GALNT2: variants seen among roughly 807,000 people sequenced by gnomAD.
GALNT2 encodes UDP-GalNAc:polypeptide N-acetylgalactosaminyltransferase 2.
GALNT2 carries 31 observed loss-of-function variants against 81.4 expected under a neutral mutation model. The observed-to-expected ratio is 0.38, with a 90% CI of 0.29 to 0.51. The LOEUF is 0.51. GALNT2 is among the 20% of genes least tolerant of loss of function. The probability of loss-of-function intolerance (pLI) is 0.87; values close to 1 mark genes in which losing one functional copy is unlikely to be tolerated. For missense variants in GALNT2, 629 were observed against 765.7 expected (o/e 0.82, Z 2.11); for synonymous variants, 303 against 287.4 (o/e 1.05, Z -0.55).
chr1:230,067,664 C>T (rs993184947), intron 1 of GALNT2, among the ~76,000 whole-genome samples: 2 of 152,056 alleles, frequency 1.3e-5, no homozygotes, highest in African/African-American at 2.4e-5. Context: ...TCTCTCTGCT[C>T]GTCGTAATTC....
chr1:230,097,981 TA>T (rs1190939044), intron 1 of GALNT2, among the ~76,000 whole-genome samples: 1 of 152,242 alleles, frequency 6.6e-6, no homozygotes, highest in Admixed American at 6.5e-5. Context: ...AGAGAGAATG[TA>T]AATGTTTGTC....
intron 11 of GALNT2, chr1:230,262,033 A>G (rs950694338): frequency 2.0e-5 from 3 of 152,122 alleles, no homozygotes; most frequent in African/African-American, 7.2e-5. Context: ...TAGTGCAAAC[A>G]TGGCAGTCTT....
upstream of GALNT2, chr1:230,057,978 G>A (rs908437070): frequency 6.6e-6 from 3 of 455,250 alleles, no homozygotes; most frequent in Non-Finnish European, 8.8e-6. Flanking sequence ...GGAGGAAAGG[G>A]CTCTGATACA....
chr1:230,214,314 G>A (rs1013565917), intron 3 of GALNT2, among the ~76,000 whole-genome samples: 3 of 152,090 alleles, frequency 2.0e-5, no homozygotes, highest in Non-Finnish European at 4.4e-5. Flanking sequence ...GCTTCACCAT[G>A]TTGGCCAGGC....
At chr1:230,133,578 AGATTAGCTGG>A in intron 1 of GALNT2, among the ~76,000 whole-genome samples, 1 of 151,278 alleles carries the variant, frequency 6.6e-6, no homozygotes, top group South Asian at 2.1e-4. Flanking sequence ...CTCAGCCTCC[AGATTAGCTGG>A]GATTATAGGC....
chr1:230,147,903 G>T (rs1375102155), intron 1 of GALNT2, among the ~76,000 whole-genome samples: 1 of 152,220 alleles, frequency 6.6e-6, no homozygotes, highest in African/African-American at 2.4e-5. Flanking sequence ...CTTGTTGGAG[G>T]TTGGCAGTGG....
intron 2 of GALNT2, among the ~76,000 whole-genome samples, chr1:230,195,097 T>A (rs185396706): frequency 6.6e-6 from 1 of 152,366 alleles, no homozygotes; most frequent in East Asian, 1.9e-4. Flanking sequence ...GAGACAGGAC[T>A]CATTTTAAAC....
At chr1:230,241,443 C>CGTTT (rs372451739) in intron 6 of GALNT2, among the ~76,000 whole-genome samples, 84 of 144,150 alleles carry the variant, frequency 5.8e-4, no homozygotes, top group African/African-American at 1.2e-3. Context: ...TTTTTTTTTT[C>CGTTT]GTTTGTTTGT....
chr1:230,230,518 C>T (rs1043351170), intron 3 of GALNT2, among the ~76,000 whole-genome samples: 1 of 152,152 alleles, frequency 6.6e-6, no homozygotes, highest in Non-Finnish European at 1.5e-5. Context: ...AGCAGATTTG[C>T]TCCTACACAG....
rs936846163 is a variant in GALNT2 at position 230,279,055 on chromosome 1, T to C, written c.1561-248T>C. ...AGAGGAGGGGACACCCACAGAAAGT[T>C]TGGGGCAGGAGACGTTCTGAGTTTT... On this transcript the variant is annotated intron_variant, in intron 15 of 15. Transcript: ENST00000366672. The surrounding 1 kb of genome is among the most constrained non-coding windows in gnomAD (Gnocchi z 4.6). Among the ~76,000 whole-genome samples, 3 of 152,112 alleles carry C rather than the reference T, an allele frequency of 2.0e-5. No homozygotes were observed. The highest frequency in any genetic ancestry group is 6.5e-5 in the Admixed American group (1 of 15,268).
chr1:230,268,860 G>A (rs1393957724), intron 14 of GALNT2, among the ~76,000 whole-genome samples: 1 of 152,230 alleles, frequency 6.6e-6, no homozygotes, highest in Non-Finnish European at 1.5e-5. Flanking sequence ...TCTGCACAGT[G>A]CTGAGGGCAG....
At chr1:230,269,358 G>GT (rs1666114108) in intron 14 of GALNT2, among the ~76,000 whole-genome samples, 1 of 151,890 alleles carries the variant, frequency 6.6e-6, no homozygotes, top group African/African-American at 2.4e-5. Context: ...GCTAATTTTT[G>GT]TATGTTTAGT....
chr1:230,263,911 C>G (rs950027516), intron 13 of GALNT2: 1 of 152,266 alleles, frequency 6.6e-6, no homozygotes, highest in Non-Finnish European at 1.5e-5. Flanking sequence ...TGCGGCCTCT[C>G]TCTGTTGCTC....
chr1:230,172,612 A>G (rs1223629126), intron 1 of GALNT2, among the ~76,000 whole-genome samples: 1 of 152,198 alleles, frequency 6.6e-6, no homozygotes, highest in Non-Finnish European at 1.5e-5. Flanking sequence ...ATAGTGCCTA[A>G]GGGGCTTGCT....
intron 1 of GALNT2, among the ~76,000 whole-genome samples, chr1:230,081,600 T>C (rs534165613): frequency 6.7e-4 from 102 of 152,212 alleles, no homozygotes; most frequent in African/African-American, 2.4e-3. Context: ...GAAGACAAAT[T>C]AATAATTGTG....
intron 1 of GALNT2, among the ~76,000 whole-genome samples, chr1:230,061,892 T>C (rs1354952649): frequency 1.3e-5 from 2 of 152,248 alleles, no homozygotes; most frequent in Non-Finnish European, 2.9e-5. Context: ...AAAAGAGCTA[T>C]AACACTTACA....
intron 1 of GALNT2, among the ~76,000 whole-genome samples, chr1:230,099,358 A>G (rs1208111922): frequency 6.6e-6 from 1 of 152,160 alleles, no homozygotes; most frequent in Non-Finnish European, 1.5e-5. Context: ...GTAGCATGCC[A>G]TGGTCAGATG....
At chr1:230,120,132 A>G (rs1660968867) in intron 1 of GALNT2, among the ~76,000 whole-genome samples, 1 of 119,532 alleles carries the variant, frequency 8.4e-6, no homozygotes, top group Non-Finnish European at 1.6e-5. Context: ...CATACACTGC[A>G]GTCCTCACTA....
chr1:230,139,039 C>G (rs1319981381), intron 1 of GALNT2, among the ~76,000 whole-genome samples: 1 of 152,138 alleles, frequency 6.6e-6, no homozygotes, highest in South Asian at 2.1e-4. Flanking sequence ...TGGAGTCACT[C>G]TGGTTCAAAC....
Sources: gnomAD v4.1 joint callset for allele counts (sites outside exome capture counted in the v4.1 genomes callset) on GRCh38, gnomAD v4.1.1 for gene constraint, Gnocchi (gnomAD v3.1) non-coding constraint, MANE v1.5 for transcripts, NCBI Gene and HGNC (gene_info 2026-07-23, HGNC 2026-07-21) for gene names.